VEGFA: variants seen among roughly 807,000 people sequenced by gnomAD.
The protein encoded by VEGFA is vascular endothelial growth factor A.
Under a neutral mutation model 49.7 loss-of-function variants are expected in VEGFA, and 20 were observed. The ratio of observed to expected loss-of-function variants is 0.40; its 90% CI spans 0.28 to 0.58. The LOEUF (loss-of-function observed/expected upper bound fraction) is 0.58, where lower values mean the gene tolerates loss of function less well. Among genes scored for constraint, VEGFA ranks in the 20% least tolerant of loss-of-function variants. VEGFA has a pLI of 0.40. For synonymous variants in VEGFA, 219 were observed against 223.4 expected, an observed-to-expected ratio of 0.98 and a Z score of 0.18; for missense variants, 505 against 553.5, an observed-to-expected ratio of 0.91 and a Z score of 0.88.
intron 5 of VEGFA, chr6:43,780,163 T>C: frequency 4.7e-6 from 1 of 213,046 alleles, no homozygotes. Flanking sequence ...CCGTGCCAGC[T>C]CCCAAGGTAG....
chr6:43,784,480 C>G, intron 7 of VEGFA, 61 bp from the exon 8 acceptor site: 6 of 1,557,648 alleles, frequency 3.9e-6, no homozygotes, highest in Non-Finnish European at 5.3e-6. Flanking sequence ...AGGCCGCCTG[C>G]CTCATCGCCA....
chr6:43,770,691 C>T lies in VEGFA; in HGVS notation c.-16C>T. 1 of 1,545,224 alleles carries T rather than the reference C, an allele frequency of 6.5e-7. No individual in the cohort carries two copies. On this transcript the variant is annotated 5_prime_UTR_variant, in exon 1 of 8. Coordinates refer to ENST00000672860, the MANE Select transcript of VEGFA (RefSeq NM_003376.6). ...GTGAGCCCTCCCCCTTGGGATCCCG[C>T]AGCTGACCAGTCGCGCTGACGGACA... is the stretch of plus-strand genomic sequence containing the variant.
In VEGFA at chr6:43,770,958, C is replaced by T. The variant is rs953038640; in HGVS notation, c.252C>T (p.Ser84=). Reference sequence around the variant, plus strand: ...CGAGCGGAGCCGCGAGAAGTGCTAGCTCGGGCCGGGAGGAGCCGCAGCCGG... The same window carrying T: ...CGAGCGGAGCCGCGAGAAGTGCTAGTTCGGGCCGGGAGGAGCCGCAGCCGG... The change falls in exon 1 of 8, where the codon AGC becomes AGT. Residue 84 remains serine (S), a synonymous_variant. Transcript: ENST00000672860. 6.5e-7 allele frequency: 1 copy of T among 1,544,438 alleles called. No homozygotes were observed. Among genetic ancestry groups the T allele is most frequent in the African/African-American group, 1.4e-5 (1 of 72,250 alleles).
intron 2 of VEGFA, chr6:43,774,761 T>C: frequency 2.5e-6 from 1 of 399,846 alleles, no homozygotes; most frequent in South Asian, 2.6e-5. Context: ...TCATTTCCTA[T>C]ATAGACATGT....
rs769003139 is a variant in VEGFA, at chr6:43,778,878, A to G, written c.933-11A>G. ...CTGTTTTGCTCTTTTCTCTCTCCCT[A>G]CCCATTGCAGACCAAAGAAAGATAG... is the stretch of plus-strand genomic sequence containing the variant. On this transcript the variant is annotated splice_polypyrimidine_tract_variant and intron_variant, in intron 4 of 7. Transcript: ENST00000672860. 1 of 1,614,028 alleles carries G rather than the reference A, an allele frequency of 6.2e-7. No individual in the cohort carries two copies. The highest frequency in any genetic ancestry group is 2.2e-5 in the East Asian group (1 of 44,884).
chr6:43,780,832 C>A (rs1265302549), intron 6 of VEGFA, 29 bp downstream of exon 6: 1 of 1,613,866 alleles, frequency 6.2e-7, no homozygotes, highest in East Asian at 2.2e-5. Context: ...CTGTCTAATG[C>A]CCTGGAGCCT....
intron 2 of VEGFA, chr6:43,776,604 C>G (rs1015262461): frequency 3.9e-5 from 6 of 152,586 alleles, no homozygotes; most frequent in African/African-American, 7.2e-5. Flanking sequence ...GCAGTTTGCC[C>G]TCTTGGGCGG....
chr6:43,785,250 T>G lies in VEGFA; in HGVS notation c.*688T>G. On this transcript the variant is annotated 3_prime_UTR_variant, in exon 8 of 8. Transcript: ENST00000672860. ...ACACCGACAAACCCAGCCCTGGCGCTGAGCCTCTCTACCCCAGGTCAGACG... is the reference window on the plus strand; with the variant it reads ...ACACCGACAAACCCAGCCCTGGCGCGGAGCCTCTCTACCCCAGGTCAGACG... 1 of 202,702 alleles carries G rather than the reference T, an allele frequency of 4.9e-6. No individual in the cohort carries two copies. Among genetic ancestry groups the G allele is most frequent in the Non-Finnish European group, 1.0e-5 (1 of 98,318 alleles). 12.6% of individuals were successfully genotyped at this position (202,702 alleles called of 1,614,324 possible). A position where few individuals can be genotyped will look rare whatever the true frequency, so the allele number is the denominator to read the frequency against.
At chr6:43,778,194 A>G in intron 3 of VEGFA, 1 of 565,224 alleles carries the variant, frequency 1.8e-6, no homozygotes, top group Non-Finnish European at 3.2e-6. Flanking sequence ...GTAAGAACCT[A>G]GGATTTGAAT....
chr6:43,784,433 G>A (rs564111648), intron 7 of VEGFA, 108 bp from the exon 8 acceptor site: 53 of 1,034,606 alleles, frequency 5.1e-5, no homozygotes, highest in Admixed American at 3.2e-4. Flanking sequence ...TTATGGTGCC[G>A]GAGGCTGCAG....
rs763428151 is a variant in VEGFA, at chr6:43,778,870, C to T, written c.933-19C>T. 6.2e-7 allele frequency: 1 copy of T among 1,614,224 alleles called. No homozygotes were observed. The highest frequency in any genetic ancestry group is 1.7e-5 in the Admixed American group (1 of 60,030). On this transcript the variant is annotated intron_variant, in intron 4 of 7. Coordinates refer to ENST00000672860, the MANE Select transcript of VEGFA (RefSeq NM_003376.6). ...ACCCTTCCCTGTTTTGCTCTTTTCT[C>T]TCTCCCTACCCATTGCAGACCAAAG...
intron 1 of VEGFA, 108 bp downstream of exon 1, chr6:43,771,420 A>G: frequency 8.6e-7 from 1 of 1,162,110 alleles, no homozygotes; most frequent in African/African-American, 1.6e-5. Context: ...ACGCGGGTCC[A>G]TGGGCACCAG....
intron 1 of VEGFA, chr6:43,771,893 C>T (rs1324164332): frequency 7.1e-6 from 3 of 421,610 alleles, no homozygotes; most frequent in Admixed American, 1.3e-4. Flanking sequence ...CCACCTGCGC[C>T]GCGCCAACCC....
rs1769356910 is a variant in VEGFA at position 43,785,791 on chromosome 6, A to T, written c.*1229A>T. 1.1e-5 allele frequency: 2 copies of T among 189,924 alleles called. No individual in the cohort carries two copies. Among genetic ancestry groups the T allele is most frequent in the Non-Finnish European group, 2.2e-5 (2 of 90,828 alleles). 11.8% of individuals were successfully genotyped at this position (189,924 alleles called of 1,614,324 possible). On this transcript the variant is annotated 3_prime_UTR_variant, in exon 8 of 8. Transcript: ENST00000672860. Reference sequence around the variant, plus strand: ...AAAGAGAAAGTGTTTTATATACGGTACTTATTTAATATCCCTTTTTAATTA... The same window carrying T: ...AAAGAGAAAGTGTTTTATATACGGTTCTTATTTAATATCCCTTTTTAATTA...
intron 5 of VEGFA, chr6:43,780,062 AC>A (rs1467012092): frequency 4.6e-6 from 1 of 217,208 alleles, no homozygotes; most frequent in Non-Finnish European, 9.4e-6. Flanking sequence ...CTTAACTCCC[AC>A]CCCATCCTGC....
intron 6 of VEGFA, 37 bp downstream of exon 6, chr6:43,780,840 C>A: frequency 6.2e-7 from 1 of 1,613,750 alleles, no homozygotes; most frequent in Non-Finnish European, 8.5e-7. Context: ...TGCCCTGGAG[C>A]CTCCCTGGCC....
intron 5 of VEGFA, chr6:43,779,551 A>G: frequency 2.6e-6 from 1 of 382,490 alleles, no homozygotes; most frequent in Non-Finnish European, 5.2e-6. Flanking sequence ...GGCGGCTGGC[A>G]TCAGCAAGAG....
chr6:43,778,933 C>G lies in VEGFA; in HGVS notation c.962+15C>G. 2 of 1,614,212 alleles carry G rather than the reference C, an allele frequency of 1.2e-6. No individual in the cohort carries two copies. The highest frequency in any genetic ancestry group is 1.7e-6 in the Non-Finnish European group (2 of 1,180,028). Reference sequence around the variant, plus strand: ...AGACAAGAAAAGTAAGTGGCCCTGACTTTAGCACTTCTCCCTCTCCATGGC... The same window carrying G: ...AGACAAGAAAAGTAAGTGGCCCTGAGTTTAGCACTTCTCCCTCTCCATGGC... On this transcript the variant is annotated intron_variant, in intron 5 of 7. Transcript: ENST00000672860.
At chr6:43,779,025 G>C in intron 5 of VEGFA, 107 bp downstream of exon 5, 1 of 1,473,364 alleles carries the variant, frequency 6.8e-7, no homozygotes, top group Non-Finnish European at 9.5e-7. Context: ...CTGGGTCAGG[G>C]ACTTGGTCTT....
Sources: allele counts gnomAD v4.1 joint callset, GRCh38; gene constraint gnomAD v4.1.1; transcripts MANE v1.5; gene names NCBI Gene and HGNC (gene_info 2026-07-23, HGNC 2026-07-21).